SLC6A15: variants seen among roughly 807,000 people sequenced by gnomAD.
SLC6A15 encodes the protein sodium-dependent neutral amino acid transporter B(0)AT2.
SLC6A15 carries 33 observed loss-of-function variants against 68.5 expected under a neutral mutation model. That is an observed-to-expected ratio of 0.48 (90% CI 0.37 to 0.64). The LOEUF is 0.64. Among genes scored for constraint, SLC6A15 ranks in the 30% least tolerant of loss-of-function variants. The probability of loss-of-function intolerance (pLI) is 0.00; values close to 1 mark genes in which losing one functional copy is unlikely to be tolerated. For missense variants in SLC6A15, 747 were observed against 874.3 expected (o/e 0.85, Z 1.84); for synonymous variants, 347 against 301.0 (o/e 1.15, Z -1.58).
chr12:84,910,928 CGTGTGTGTGTGT>C (rs34335324), intron 1 of SLC6A15, among the ~76,000 whole-genome samples: 4 of 143,452 alleles, frequency 2.8e-5, no homozygotes, highest in African/African-American at 1.1e-4. Context: ...GCCCTCTTTC[CGTGTGTGTGTGT>C]GTGTGTGTGT....
At chr12:84,889,422 G>A (rs1050948624) in intron 2 of SLC6A15, among the ~76,000 whole-genome samples, 19 of 150,794 alleles carry the variant, frequency 1.3e-4, no homozygotes, top group Admixed American at 7.9e-4. Context: ...CCCGGGAGGC[G>A]GAGCTTGCAG....
At chr12:84,910,444 C>A (rs897197392) in intron 1 of SLC6A15, among the ~76,000 whole-genome samples, 6 of 152,030 alleles carry the variant, frequency 3.9e-5, no homozygotes, top group African/African-American at 1.4e-4. Flanking sequence ...AAAATAAAAT[C>A]GCCTGATTTT....
In SLC6A15 at chr12:84,872,864, C is replaced by T. The variant is rs953091822; in HGVS notation, c.1110-70G>A. 6 of 1,288,544 alleles carry T rather than the reference C, an allele frequency of 4.7e-6. No homozygotes were observed. In the South Asian group the frequency reaches 8.7e-5, roughly 19 times the overall value. The allele number at this position is 1,288,544 out of a possible 1,614,324, so 79.8% of individuals were successfully genotyped here. A position where few individuals can be genotyped will look rare whatever the true frequency, so the allele number is the denominator to read the frequency against. On this transcript the variant is annotated intron_variant, in intron 7 of 11. Transcript: ENST00000266682. ...GGTGTATAGTTTGTGAACGACTATG[C>T]CATTATAAGCTAATGAATGAGCAAT...
chr12:84,880,493 T>C (rs1871773120), intron 5 of SLC6A15, among the ~76,000 whole-genome samples: 1 of 152,212 alleles, frequency 6.6e-6, no homozygotes. Context: ...CCTCTGCCAC[T>C]AAATGGAAAC....
Position 84,872,856 on chromosome 12 carries a change from C to T in SLC6A15, c.1110-62G>A, listed in dbSNP as rs1037375167. 2.1e-5 allele frequency: 28 copies of T among 1,347,100 alleles called. No individual in the cohort carries two copies. The Admixed American group carries it at 3.6e-4, about 17-fold the overall frequency. The allele number at this position is 1,347,100 out of a possible 1,614,324, so 83.4% of individuals were successfully genotyped here. On this transcript the variant is annotated intron_variant, in intron 7 of 11. Coordinates refer to ENST00000266682, the MANE Select transcript of SLC6A15 (RefSeq NM_182767.6). ...AGTTCTTTGGTGTATAGTTTGTGAA[C>T]GACTATGCCATTATAAGCTAATGAA... is the stretch of plus-strand genomic sequence containing the variant.
At chr12:84,902,328 C>T (rs553979627) in intron 1 of SLC6A15, among the ~76,000 whole-genome samples, 13 of 151,786 alleles carry the variant, frequency 8.6e-5, no homozygotes, top group African/African-American at 2.7e-4. Flanking sequence ...ATCAGAATGG[C>T]TAAACTTTGT....
chr12:84,884,150 T>C, intron 4 of SLC6A15, 110 bp from the exon 5 acceptor site: 1 of 793,118 alleles, frequency 1.3e-6, no homozygotes, highest in South Asian at 1.8e-5. Context: ...AGAAAAGTAC[T>C]ACCATTGTAT....
rs1870846434 is a variant in SLC6A15 at position 84,861,518 on chromosome 12, G to A, written c.*114C>T. 2 of 1,205,880 alleles carry A rather than the reference G, an allele frequency of 1.7e-6. No homozygotes were observed. Among genetic ancestry groups the A allele is most frequent in the Admixed American group, 2.3e-5 (1 of 43,678 alleles). 74.7% of individuals were successfully genotyped at this position (1,205,880 alleles called of 1,614,324 possible). A position where few individuals can be genotyped will look rare whatever the true frequency, so the allele number is the denominator to read the frequency against. On this transcript the variant is annotated 3_prime_UTR_variant, in exon 12 of 12. Coordinates refer to ENST00000266682, the MANE Select transcript of SLC6A15 (RefSeq NM_182767.6). ...TATACTGTTAGGATTAAAGATCACAGCCACGGAACACCTGAGATTGCCCTC... is the reference window on the plus strand; with the variant it reads ...TATACTGTTAGGATTAAAGATCACAACCACGGAACACCTGAGATTGCCCTC...
intron 1 of SLC6A15, among the ~76,000 whole-genome samples, chr12:84,894,324 T>C (rs1872544247): frequency 6.6e-6 from 1 of 152,180 alleles, no homozygotes; most frequent in Admixed American, 6.5e-5. Context: ...TAGTAGCAAG[T>C]GATATATGGA....
chr12:84,907,437 T>C (rs927730499), intron 1 of SLC6A15, among the ~76,000 whole-genome samples: 1 of 152,058 alleles, frequency 6.6e-6, no homozygotes, highest in Non-Finnish European at 1.5e-5. Flanking sequence ...TATATATGAA[T>C]GACAAAGAAG....
intron 8 of SLC6A15, 105 bp downstream of exon 8, chr12:84,872,497 G>A (rs1456451230): frequency 1.3e-6 from 1 of 789,850 alleles, no homozygotes; most frequent in African/African-American, 1.8e-5. Flanking sequence ...CATTTTAAGA[G>A]CTTCTTCGGG....
intron 1 of SLC6A15, among the ~76,000 whole-genome samples, chr12:84,899,497 T>C (rs1398161450): frequency 6.6e-6 from 1 of 152,298 alleles, no homozygotes; most frequent in East Asian, 1.9e-4. Flanking sequence ...TGGACATTGG[T>C]TCCTAGTTTT....
intron 5 of SLC6A15, among the ~76,000 whole-genome samples, chr12:84,879,901 A>G (rs1175797142): frequency 3.3e-5 from 5 of 152,210 alleles, no homozygotes; most frequent in Admixed American, 2.6e-4. Flanking sequence ...GAGAGGATTT[A>G]CAGGAATTTG....
chr12:84,888,380 T>A (rs1448309484), intron 2 of SLC6A15, among the ~76,000 whole-genome samples: 2 of 151,676 alleles, frequency 1.3e-5, no homozygotes, highest in Non-Finnish European at 2.9e-5. Context: ...CATCGACTAA[T>A]GAGTGGATAA....
intron 5 of SLC6A15, among the ~76,000 whole-genome samples, chr12:84,879,578 G>A (rs147676731): frequency 4.6e-5 from 7 of 151,520 alleles, no homozygotes; most frequent in African/African-American, 1.5e-4. Context: ...CACCCGCCTC[G>A]GCCTCCAAAA....
chr12:84,879,449 C>T (rs1450691726), intron 5 of SLC6A15, among the ~76,000 whole-genome samples: 4 of 151,762 alleles, frequency 2.6e-5, no homozygotes, highest in East Asian at 1.9e-4. Context: ...CCTCAGCCTC[C>T]CGAGTAGCTG....
At chr12:84,882,357 A>G in intron 5 of SLC6A15, 1 of 983,016 alleles carries the variant, frequency 1.0e-6, no homozygotes, top group Non-Finnish European at 1.2e-6. Context: ...ATTTAGTCAT[A>G]TAATACAATA....
At chr12:84,865,634 A>G (rs1011006373) in intron 10 of SLC6A15, among the ~76,000 whole-genome samples, 2 of 152,124 alleles carry the variant, frequency 1.3e-5, no homozygotes, top group Non-Finnish European at 2.9e-5. Context: ...ATCTGGCCCA[A>G]CCCCTGTTAA....
intron 1 of SLC6A15, among the ~76,000 whole-genome samples, chr12:84,908,771 AAT>A: frequency 6.6e-6 from 1 of 152,048 alleles, no homozygotes; most frequent in East Asian, 1.9e-4. Flanking sequence ...TATTCAAGCT[AAT>A]ATGTGTTTTC....
Sources: gnomAD v4.1 joint callset for allele counts (sites outside exome capture counted in the v4.1 genomes callset) on GRCh38, gnomAD v4.1.1 for gene constraint, MANE v1.5 for transcripts, NCBI Gene and HGNC (gene_info 2026-07-23, HGNC 2026-07-21) for gene names.